Variants in MCTP1 observed in about 807,000 individuals in gnomAD.
MCTP1 encodes multiple C2 and transmembrane domain-containing protein 1.
A neutral mutation model predicts 120.6 loss-of-function variants in MCTP1; 69 were observed. The ratio of observed to expected loss-of-function variants is 0.57; its 90% CI spans 0.47 to 0.70. The LOEUF is 0.70. Among genes scored for constraint, MCTP1 ranks in the 30% least tolerant of loss-of-function variants. The pLI, the probability that MCTP1 is intolerant of heterozygous loss-of-function variation, is 0.00. For synonymous variants in MCTP1, 529 were observed against 493.1 expected, an observed-to-expected ratio of 1.07 and a Z score of -0.96; for missense variants, 1,203 against 1,248.8, an observed-to-expected ratio of 0.96 and a Z score of 0.55.
At chr5:94,878,176 A>T (rs1451256229) in intron 12 of MCTP1, among the ~76,000 whole-genome samples, 1 of 152,184 alleles carries the variant, frequency 6.6e-6, no homozygotes, top group Non-Finnish European at 1.5e-5. Context: ...AATTTCAATC[A>T]TAACATATAA....
chr5:95,276,360 G>T (rs914899790), intron 1 of MCTP1, among the ~76,000 whole-genome samples: 5 of 139,306 alleles, frequency 3.6e-5, no homozygotes, highest in South Asian at 4.8e-4. Flanking sequence ...CTGGGTTCAA[G>T]CGATTCTCCT....
At chr5:95,283,806 G>T in intron 1 of MCTP1, 50 bp downstream of exon 1, 1 of 1,309,282 alleles carries the variant, frequency 7.6e-7, no homozygotes, top group South Asian at 2.2e-5. Context: ...GCCTGAAGAG[G>T]GAGGCGTGGT....
At chr5:94,927,671 AAAG>A (rs1813507042) in intron 6 of MCTP1, among the ~76,000 whole-genome samples, 1 of 152,182 alleles carries the variant, frequency 6.6e-6, no homozygotes, top group Non-Finnish European at 1.5e-5. Flanking sequence ...TGAGATACTT[AAAG>A]ATGTGTTAAT....
chr5:95,059,886 G>A (rs1160658071), intron 1 of MCTP1, among the ~76,000 whole-genome samples: 1 of 152,104 alleles, frequency 6.6e-6, no homozygotes, highest in African/African-American at 2.4e-5. Context: ...TGTTTTCTAA[G>A]GCAAGGGAAA....
At chr5:95,019,712 A>G (rs779572186) in intron 1 of MCTP1, among the ~76,000 whole-genome samples, 58 of 152,034 alleles carry the variant, frequency 3.8e-4, no homozygotes, top group Non-Finnish European at 7.1e-4. Context: ...TAATTGTTCT[A>G]ATTTTTTTCA....
At chr5:95,120,130 T>C (rs1758109572) in intron 1 of MCTP1, among the ~76,000 whole-genome samples, 1 of 145,880 alleles carries the variant, frequency 6.9e-6, no homozygotes, top group Non-Finnish European at 1.5e-5. Context: ...TTAGCGGAGA[T>C]TGCGCCACTG....
At chr5:95,141,497 G>A (rs1759926887) in intron 1 of MCTP1, among the ~76,000 whole-genome samples, 1 of 152,178 alleles carries the variant, frequency 6.6e-6, no homozygotes, top group African/African-American at 2.4e-5. Context: ...TGTTGTATGT[G>A]TGCAACAACA....
intron 17 of MCTP1, among the ~76,000 whole-genome samples, chr5:94,812,018 C>T (rs953248084): frequency 3.9e-5 from 6 of 152,228 alleles, no homozygotes; most frequent in South Asian, 2.1e-4. Context: ...TTGAGCCACA[C>T]GGTACTGATG....
At chr5:94,756,869 T>C (rs1351415783) in intron 19 of MCTP1, among the ~76,000 whole-genome samples, 1 of 152,088 alleles carries the variant, frequency 6.6e-6, no homozygotes, top group Non-Finnish European at 1.5e-5. Context: ...TCAGTTCTGA[T>C]TACTAGAATT....
At chr5:95,264,084 G>A (rs1758691865) in intron 1 of MCTP1, among the ~76,000 whole-genome samples, 2 of 152,218 alleles carry the variant, frequency 1.3e-5, no homozygotes, top group African/African-American at 4.8e-5. Flanking sequence ...TAATGAAGCT[G>A]CTTGCAAGTG....
intron 17 of MCTP1, among the ~76,000 whole-genome samples, chr5:94,846,522 CGAA>C (rs1316157549): frequency 6.6e-6 from 1 of 151,964 alleles, no homozygotes; most frequent in East Asian, 1.9e-4. Flanking sequence ...ATAGGAGGAG[CGAA>C]AGGATCAGAA....
rs565642144 is a variant in MCTP1, at chr5:95,274,997, T to C, written c.720+8859A>G. Among the ~76,000 whole-genome samples the C allele has an allele frequency of 3.9e-4, 59 of 152,242 alleles. 1 individual carries two copies. The highest frequency in any genetic ancestry group is 3.4e-3 in the Middle Eastern group (1 of 294). ...CGCAACCACTGCAGCCTCACCTTCA[T>C]CTCACCACTCATTTCTCCTGGCTGG... On this transcript the variant is annotated intron_variant, in intron 1 of 22. Coordinates refer to ENST00000515393, the MANE Select transcript of MCTP1 (RefSeq NM_024717.7).
intron 1 of MCTP1, among the ~76,000 whole-genome samples, chr5:95,035,124 A>T (rs1841039349): frequency 6.6e-6 from 1 of 152,094 alleles, no homozygotes. Flanking sequence ...TGTTGGTGGG[A>T]ATATAAATTA....
chr5:95,087,463 G>A (rs976948786), intron 1 of MCTP1, among the ~76,000 whole-genome samples: 2 of 152,168 alleles, frequency 1.3e-5, no homozygotes, highest in African/African-American at 2.4e-5. Flanking sequence ...TCCTTTAAAG[G>A]AGACAGTCTC....
intron 2 of MCTP1, among the ~76,000 whole-genome samples, chr5:95,000,501 A>C (rs1315154107): frequency 4.6e-5 from 7 of 152,180 alleles, no homozygotes; most frequent in African/African-American, 1.7e-4. Context: ...AGACACTGCT[A>C]TTGATGATTC....
chr5:94,878,427 C>T (rs1201521903), intron 12 of MCTP1, among the ~76,000 whole-genome samples: 1 of 151,954 alleles, frequency 6.6e-6, no homozygotes, highest in Non-Finnish European at 1.5e-5. Context: ...TTCTTTTTTT[C>T]TCACTGAGTC....
At chr5:94,897,275 T>A (rs1804286527) in intron 10 of MCTP1, among the ~76,000 whole-genome samples, 1 of 150,988 alleles carries the variant, frequency 6.6e-6, no homozygotes, top group Non-Finnish European at 1.5e-5. Flanking sequence ...GGTTTTGTCA[T>A]GTTGCCCAGG....
At position 95,284,190 on chromosome 5, in the gene MCTP1, A is replaced by C. The variant is rs561495669; in HGVS notation, c.386T>G (p.Leu129Trp). 2.3e-5 allele frequency: 35 copies of C among 1,545,628 alleles called. No homozygotes were observed. In the South Asian group the frequency reaches 4.0e-4, roughly 18 times the overall value. ...STLRRRIREH[L>W]LPAVKGPAAA... Reference sequence around the variant, plus strand: ...CGCGGGCCCCTTTACGGCGGGGAGCAAATGCTCGCGGATCCGGCGGCGTAG... The same window carrying C: ...CGCGGGCCCCTTTACGGCGGGGAGCCAATGCTCGCGGATCCGGCGGCGTAG... Residue 129 changes from leucine to tryptophan, a missense_variant, in exon 1 of 23, where the codon TTG becomes TGG. Transcript: ENST00000515393. The surrounding 1 kb of genome is among the most constrained non-coding windows in gnomAD (Gnocchi z 5.2).
At chr5:94,917,342 G>A (rs1263490959) in intron 8 of MCTP1, among the ~76,000 whole-genome samples, 1 of 151,990 alleles carries the variant, frequency 6.6e-6, no homozygotes. Flanking sequence ...AAAAAAGGCA[G>A]GAAGAATAAA....
Sources: allele counts gnomAD v4.1 joint callset (sites outside exome capture counted in the v4.1 genomes callset), GRCh38; gene constraint gnomAD v4.1.1; non-coding constraint Gnocchi (gnomAD v3.1); transcripts MANE v1.5; gene names NCBI Gene and HGNC (gene_info 2026-07-23, HGNC 2026-07-21).